Variants in ERC2 observed in about 807,000 individuals in gnomAD.
ERC2 encodes ERC protein 2.
A neutral mutation model predicts 114.8 loss-of-function variants in ERC2; 42 were observed. The ratio of observed to expected loss-of-function variants is 0.37; its 90% CI spans 0.29 to 0.47. The LOEUF is 0.47. Among genes scored for constraint, ERC2 ranks in the 20% least tolerant of loss-of-function variants. ERC2 has a pLI of 0.99. For missense variants in ERC2, 939 were observed against 1,150.7 expected (o/e 0.82, Z 2.66); for synonymous variants, 454 against 425.5 (o/e 1.07, Z -0.82).
intron 15 of ERC2, among the ~76,000 whole-genome samples, chr3:55,732,956 G>A (rs975777816): frequency 1.3e-5 from 2 of 152,134 alleles, no homozygotes; most frequent in African/African-American, 2.4e-5. Flanking sequence ...CCCCAATGAC[G>A]GGGGCAAGTG....
chr3:55,711,414 G>C lies in ERC2; in HGVS notation c.2713-11902C>G, dbSNP rs542023501. On this transcript the variant is annotated intron_variant, in intron 15 of 17. Transcript: ENST00000288221. ...TCTGCCAATCTTTCTAAAAAATTTT[G>C]TGCTTAATGCAAGCACAGACACACA... is the stretch of plus-strand genomic sequence containing the variant. 5.9e-5 allele frequency among the ~76,000 whole-genome samples: 9 copies of C among 152,204 alleles called. No individual in the cohort carries two copies. The South Asian group carries it at 1.9e-3, about 32-fold the overall frequency.
chr3:55,952,177 ACAC>A (rs1395794973), intron 12 of ERC2, among the ~76,000 whole-genome samples: 707 of 38,508 alleles, frequency 0.018, 20 homozygotes, highest in Middle Eastern at 0.054. Context: ...ACACACACAC[ACAC>A]TCTCTCTCTC....
Position 55,646,663 on chromosome 3 carries a change from T to C in ERC2, c.*39+37131A>G, listed in dbSNP as rs933603571. Among the ~76,000 whole-genome samples the C allele has an allele frequency of 2.2e-4, 33 of 152,246 alleles. 1 individual carries two copies. The highest frequency in any genetic ancestry group is 2.1e-3 in the Admixed American group (32 of 15,286). ...TTTTAACCCTACTTATTACTGTCCC[T>C]GTAAGGCTTTTTCCCCCAGTGGAAT... On this transcript the variant is annotated intron_variant, in intron 17 of 17. Coordinates refer to ENST00000288221, the MANE Select transcript of ERC2 (RefSeq NM_015576.3).
In ERC2 at chr3:56,449,893, A is replaced by G. The variant is rs548783397; in HGVS notation, c.-140-14746T>C. On this transcript the variant is annotated intron_variant, in intron 1 of 17. Transcript: ENST00000288221. ...AGTTGCCATAGAATTCTCCCAGTTCACTAAACTTAGCCCTGTCAGACACTT... is the reference window on the plus strand; with the variant it reads ...AGTTGCCATAGAATTCTCCCAGTTCGCTAAACTTAGCCCTGTCAGACACTT... 4.6e-5 allele frequency among the ~76,000 whole-genome samples: 7 copies of G among 152,368 alleles called. No individual in the cohort carries two copies. The East Asian group carries it at 1.3e-3, about 29-fold the overall frequency.
chr3:56,213,505 C>T (rs890660266), intron 3 of ERC2, among the ~76,000 whole-genome samples: 5 of 152,174 alleles, frequency 3.3e-5, no homozygotes, highest in South Asian at 4.1e-4. Context: ...AGTAGGTAAA[C>T]AAAGCAGCCA....
chr3:55,671,715 C>T (rs1216219484), intron 17 of ERC2, among the ~76,000 whole-genome samples: 3 of 152,184 alleles, frequency 2.0e-5, no homozygotes, highest in Admixed American at 6.5e-5. Context: ...TTTTGGCATG[C>T]GGTTGTCCAG....
At chr3:55,800,895 G>C (rs756948475) in intron 14 of ERC2, among the ~76,000 whole-genome samples, 2 of 152,152 alleles carry the variant, frequency 1.3e-5, no homozygotes, top group African/African-American at 2.4e-5. Flanking sequence ...ACCTCAGACT[G>C]GCTGTGTCCC....
intron 17 of ERC2, among the ~76,000 whole-genome samples, chr3:55,653,877 C>T (rs955953457): frequency 7.9e-5 from 12 of 152,144 alleles, no homozygotes; most frequent in East Asian, 3.9e-4. Flanking sequence ...ACCTGCTGGC[C>T]CCAGCTCTTT....
At chr3:56,363,120 ATAAAG>A (rs1268538733) in intron 2 of ERC2, among the ~76,000 whole-genome samples, 2 of 152,230 alleles carry the variant, frequency 1.3e-5, no homozygotes, top group African/African-American at 2.4e-5. Context: ...GTGGATGGTA[ATAAAG>A]TAAAGAATAG....
intron 17 of ERC2, among the ~76,000 whole-genome samples, chr3:55,677,385 CTTTCTTTTGCCT>C (rs1220376860): frequency 6.6e-6 from 1 of 152,046 alleles, no homozygotes; most frequent in Admixed American, 6.6e-5. Context: ...AATAGATTAC[CTTTCTTTTGCCT>C]TTTCTTTTAC....
intron 14 of ERC2, among the ~76,000 whole-genome samples, chr3:55,843,128 G>A (rs987823441): frequency 2.0e-5 from 3 of 152,096 alleles, no homozygotes; most frequent in Non-Finnish European, 4.4e-5. Context: ...ACTAAGTTTG[G>A]GCCAAGGTAT....
intron 14 of ERC2, among the ~76,000 whole-genome samples, chr3:55,839,422 AG>A (rs1027633407): frequency 1.3e-5 from 2 of 151,938 alleles, no homozygotes; most frequent in African/African-American, 4.8e-5. Context: ...TAACTACATG[AG>A]TAAACATAAA....
chr3:55,757,937 A>G (rs909171947), intron 14 of ERC2, among the ~76,000 whole-genome samples: 3 of 151,812 alleles, frequency 2.0e-5, no homozygotes, highest in Admixed American at 6.6e-5. Context: ...TAAATATCAT[A>G]TATATATATA....
chr3:55,747,146 G>A (rs1382322900), intron 14 of ERC2, among the ~76,000 whole-genome samples: 1 of 152,092 alleles, frequency 6.6e-6, no homozygotes, highest in Non-Finnish European at 1.5e-5. Context: ...ATGATTCAGG[G>A]GGAGCTAGGA....
At chr3:56,302,376 C>T (rs75893791) in intron 2 of ERC2, among the ~76,000 whole-genome samples, 3,332 of 152,208 alleles carry the variant, frequency 0.022, 42 homozygotes, top group South Asian at 0.063. Flanking sequence ...TCCATGTCAC[C>T]GGGTCCTATC....
intron 3 of ERC2, among the ~76,000 whole-genome samples, chr3:56,241,415 G>A (rs1284265000): frequency 2.0e-5 from 3 of 152,168 alleles, no homozygotes; most frequent in Admixed American, 6.5e-5. Context: ...TGAGGCTGTG[G>A]AGAAAAGGTA....
rs562380703 is a variant in ERC2 at position 55,510,842 on chromosome 3, A to C, written c.*474T>G. The C allele has an allele frequency of 6.6e-6, 1 of 152,242 alleles. No homozygotes were observed. The highest frequency in any genetic ancestry group is 1.5e-5 in the Non-Finnish European group (1 of 68,048). The allele number at this position is 152,242 out of a possible 1,614,324, so 9.4% of individuals were successfully genotyped here. ...TCTAATGCATTAGGAATGACCAATT[A>C]GAGTGAACCAGCAGGATACTGGAGA... On this transcript the variant is annotated 3_prime_UTR_variant, in exon 18 of 18. Transcript: ENST00000288221.
intron 14 of ERC2, among the ~76,000 whole-genome samples, chr3:55,840,709 C>T (rs1276450978): frequency 6.6e-6 from 1 of 151,904 alleles, no homozygotes; most frequent in South Asian, 2.1e-4. Context: ...TTTAAAATAG[C>T]CCTGAACCGG....
chr3:55,748,415 C>T (rs137870166), intron 14 of ERC2, among the ~76,000 whole-genome samples: 3 of 152,286 alleles, frequency 2.0e-5, no homozygotes, highest in Non-Finnish European at 2.9e-5. Flanking sequence ...AGACAGAAAC[C>T]ATCCCTGCTT....
Sources: gnomAD v4.1 joint callset for allele counts (sites outside exome capture counted in the v4.1 genomes callset) on GRCh38, gnomAD v4.1.1 for gene constraint, MANE v1.5 for transcripts, NCBI Gene and HGNC (gene_info 2026-07-23, HGNC 2026-07-21) for gene names.